The following PCDH15 variants were observed in gnomAD, a reference collection of about 807,000 sequenced individuals.
PCDH15 encodes protocadherin related 15, also known as protocadherin-15.
A neutral mutation model predicts 178.5 loss-of-function variants in PCDH15; 129 were observed. The ratio of observed to expected loss-of-function variants is 0.72; its 90% CI spans 0.63 to 0.84. The LOEUF is 0.84. Ranked by LOEUF, PCDH15 falls within the 40% of genes least tolerant of loss-of-function variation. The pLI, the probability that PCDH15 is intolerant of heterozygous loss-of-function variation, is 0.00. For synonymous variants in PCDH15, 800 were observed against 732.0 expected, an observed-to-expected ratio of 1.09 and a Z score of -1.50; for missense variants, 2,230 against 2,099.9, an observed-to-expected ratio of 1.06 and a Z score of -1.21.
chr10:55,115,002 T>C (rs762331958), intron 2 of PCDH15, among the ~76,000 whole-genome samples: 2 of 152,176 alleles, frequency 1.3e-5, no homozygotes, highest in Non-Finnish European at 2.9e-5. Flanking sequence ...AATGAAATAG[T>C]TAATGTTAAG....
intron 3 of PCDH15, among the ~76,000 whole-genome samples, chr10:54,880,122 C>A (rs916899191): frequency 9.9e-5 from 15 of 152,002 alleles, no homozygotes; most frequent in Non-Finnish European, 1.3e-4. Flanking sequence ...CATACTACAC[C>A]CATCATTATC....
chr10:54,526,427 G>A (rs550379001), intron 3 of PCDH15, among the ~76,000 whole-genome samples: 3 of 152,128 alleles, frequency 2.0e-5, no homozygotes, highest in East Asian at 1.9e-4. Flanking sequence ...TTTTCACTGT[G>A]GAATATTTAG....
At chr10:55,595,304 T>C (rs1842916827) in intron 2 of PCDH15, among the ~76,000 whole-genome samples, 1 of 152,042 alleles carries the variant, frequency 6.6e-6, no homozygotes, top group Non-Finnish European at 1.5e-5. Context: ...CTATTTCTTT[T>C]AAACTTCATC....
intron 21 of PCDH15, among the ~76,000 whole-genome samples, chr10:53,983,228 GTGTT>G (rs1468466022): frequency 1.3e-5 from 2 of 151,588 alleles, no homozygotes; most frequent in African/African-American, 4.9e-5. Flanking sequence ...GGGTGTGTGT[GTGTT>G]TGTGTGTGTG....
chr10:54,480,032 A>T (rs2078596785), intron 3 of PCDH15, among the ~76,000 whole-genome samples: 1 of 152,054 alleles, frequency 6.6e-6, no homozygotes, highest in South Asian at 2.1e-4. Flanking sequence ...AATAAAAATT[A>T]CTATTATAAT....
chr10:55,119,461 C>G (rs1422761795), intron 2 of PCDH15, among the ~76,000 whole-genome samples: 2 of 151,592 alleles, frequency 1.3e-5, no homozygotes, highest in East Asian at 3.9e-4. Flanking sequence ...ATTTTTTGCA[C>G]TACTGAGACG....
intron 2 of PCDH15, among the ~76,000 whole-genome samples, chr10:55,492,093 TA>T (rs1345202299): frequency 1.3e-5 from 2 of 151,606 alleles, no homozygotes; most frequent in Non-Finnish European, 2.9e-5. Context: ...AATATAGGCT[TA>T]AAAATAAAAT....
chr10:54,925,920 T>C (rs1372655790), intron 2 of PCDH15, among the ~76,000 whole-genome samples: 1 of 152,092 alleles, frequency 6.6e-6, no homozygotes, highest in East Asian at 1.9e-4. Flanking sequence ...TTCTTCTTTT[T>C]CTATTTGGAT....
At chr10:53,914,656 C>G (rs1487034611) in intron 25 of PCDH15, among the ~76,000 whole-genome samples, 2 of 152,050 alleles carry the variant, frequency 1.3e-5, no homozygotes, top group Non-Finnish European at 2.9e-5. Context: ...GGAGAAATAC[C>G]TAATGTAAAT....
chr10:55,224,237 C>A (rs1840964251), intron 1 of PCDH15, among the ~76,000 whole-genome samples: 1 of 152,058 alleles, frequency 6.6e-6, no homozygotes, highest in African/African-American at 2.4e-5. Context: ...ACAAAAAGTA[C>A]AGGTAAATGA....
rs766682217 is a variant in PCDH15 at position 54,378,938 on chromosome 10, T to C, written c.162A>G (p.Thr54=). 3.7e-6 allele frequency: 6 copies of C among 1,613,612 alleles called. No homozygotes were observed. In the East Asian group the frequency reaches 1.3e-4, roughly 36 times the overall value. ...VAIDEESRNG[T]ILVDNMLIKG... is the part of the protein sequence containing the mutation. ...TGATCAGCATGTTGTCCACCAGAATTGTACCTGCAAACCAAAGAAAGGTAC... is the reference window on the plus strand; with the variant it reads ...TGATCAGCATGTTGTCCACCAGAATCGTACCTGCAAACCAAAGAAAGGTAC... Residue 54 remains threonine, a synonymous_variant, in exon 4 of 38, where the codon ACA becomes ACG. Transcript: ENST00000644397.
At chr10:53,911,191 T>G (rs181206948) in intron 25 of PCDH15, among the ~76,000 whole-genome samples, 1 of 152,016 alleles carries the variant, frequency 6.6e-6, no homozygotes, top group Non-Finnish European at 1.5e-5. Context: ...TATTCCAAAA[T>G]TGACCACATA....
intron 2 of PCDH15, among the ~76,000 whole-genome samples, chr10:54,571,333 GAAAAAAAAA>G (rs60604711): frequency 0.64 from 82,090 of 128,718 alleles, 25,750 homozygotes; most frequent in East Asian, 0.8. Context: ...GACAAAATTT[GAAAAAAAAA>G]AAAAAAAAAA....
intron 3 of PCDH15, among the ~76,000 whole-genome samples, chr10:54,395,160 G>T (rs957364439): frequency 3.3e-5 from 5 of 152,012 alleles, no homozygotes; most frequent in Admixed American, 2.0e-4. Flanking sequence ...AATCACAAGG[G>T]TATTCATTGG....
In PCDH15 at chr10:54,154,196, G is replaced by T. The variant is rs570777245; in HGVS notation, c.1591-903C>A. 5.3e-5 allele frequency among the ~76,000 whole-genome samples: 8 copies of T among 152,160 alleles called. No individual in the cohort carries two copies. In the East Asian group the frequency reaches 1.4e-3, roughly 26 times the overall value. On this transcript the variant is annotated intron_variant, in intron 13 of 37. Coordinates refer to ENST00000644397, the MANE Select transcript of PCDH15 (RefSeq NM_001384140.1). ...ATAAATATAAATTAAAGGGGAAAAA[G>T]AATATAAAGGGATTCTAGCAGAAAT... is the stretch of plus-strand genomic sequence containing the variant.
chr10:53,898,502 A>G (rs975178854), intron 26 of PCDH15, among the ~76,000 whole-genome samples: 4 of 152,178 alleles, frequency 2.6e-5, no homozygotes, highest in African/African-American at 9.7e-5. Flanking sequence ...ACGGAAATCA[A>G]CTTCGTAGAA....
intron 2 of PCDH15, among the ~76,000 whole-genome samples, chr10:55,434,054 T>C (rs1332653793): frequency 6.6e-6 from 1 of 150,896 alleles, no homozygotes; most frequent in Non-Finnish European, 1.5e-5. Context: ...GGAAAACAAA[T>C]TCTCCGCTTT....
At chr10:55,029,499 C>G (rs1042334147) in intron 2 of PCDH15, among the ~76,000 whole-genome samples, 9 of 151,800 alleles carry the variant, frequency 5.9e-5, no homozygotes, top group African/African-American at 2.2e-4. Context: ...CTGTGCTGAG[C>G]TGAAGTGTAA....
chr10:55,161,349 A>G (rs1192624279), intron 2 of PCDH15, among the ~76,000 whole-genome samples: 2 of 152,142 alleles, frequency 1.3e-5, no homozygotes, highest in Non-Finnish European at 2.9e-5. Flanking sequence ...CAAATCAGAC[A>G]TTTTTTAAAA....
Sources: gnomAD v4.1 joint callset for allele counts (sites outside exome capture counted in the v4.1 genomes callset) on GRCh38, gnomAD v4.1.1 for gene constraint, MANE v1.5 for transcripts, NCBI Gene and HGNC (gene_info 2026-07-23, HGNC 2026-07-21) for gene names.